Variants in TENM4 observed in about 807,000 individuals in gnomAD.
TENM4 encodes the protein teneurin-4.
TENM4 carries 82 observed loss-of-function variants against 243.3 expected under a neutral mutation model. The ratio of observed to expected loss-of-function variants is 0.34; its 90% CI spans 0.28 to 0.40. The LOEUF (loss-of-function observed/expected upper bound fraction) is 0.40. Among genes scored for constraint, TENM4 ranks in the 10% least tolerant of loss-of-function variants. The pLI, the probability that TENM4 is intolerant of heterozygous loss-of-function variation, is 1.00. For synonymous variants in TENM4, 1,412 were observed against 1,456.3 expected (o/e 0.97, Z 0.69); for missense variants, 3,138 against 3,673.3 (o/e 0.85, Z 3.77).
chr11:78,684,553 C>T (rs1257155227), intron 29 of TENM4, among the ~76,000 whole-genome samples: 1 of 152,166 alleles, frequency 6.6e-6, no homozygotes, highest in South Asian at 2.1e-4. Flanking sequence ...CAGACACACA[C>T]ACACACATCA....
At chr11:78,755,903 C>G (rs1305903832) in intron 19 of TENM4, among the ~76,000 whole-genome samples, 1 of 152,170 alleles carries the variant, frequency 6.6e-6, no homozygotes, top group East Asian at 1.9e-4. Context: ...ACCACACTGA[C>G]TTTTAGAGAA....
chr11:79,162,870 C>T (rs765215953), intron 3 of TENM4, among the ~76,000 whole-genome samples: 14 of 152,232 alleles, frequency 9.2e-5, no homozygotes, highest in Non-Finnish European at 1.5e-4. Context: ...GCCATGCAGC[C>T]TGGTCAAGTG....
intron 1 of TENM4, among the ~76,000 whole-genome samples, chr11:79,389,904 T>C (rs1473309028): frequency 6.6e-6 from 1 of 152,220 alleles, no homozygotes; most frequent in East Asian, 1.9e-4. Flanking sequence ...TTGTAAAGCC[T>C]AAAATATTTA....
At chr11:79,218,234 A>AC (rs1555029524) in intron 2 of TENM4, among the ~76,000 whole-genome samples, 2,764 of 96,428 alleles carry the variant, frequency 0.029, 124 homozygotes, top group African/African-American at 0.11. Context: ...CCCCCTGCCC[A>AC]CCCACCCCCG....
intron 3 of TENM4, among the ~76,000 whole-genome samples, chr11:79,183,044 C>A (rs1863314053): frequency 6.6e-6 from 1 of 152,138 alleles, no homozygotes; most frequent in Non-Finnish European, 1.5e-5. Context: ...GATCCAGCAG[C>A]TGCACTCCTT....
At chr11:79,207,419 C>T (rs1252671265) in intron 3 of TENM4, among the ~76,000 whole-genome samples, 2 of 152,160 alleles carry the variant, frequency 1.3e-5, no homozygotes, top group Non-Finnish European at 2.9e-5. Context: ...TTTGTTATTA[C>T]TACTATATCA....
intron 18 of TENM4, among the ~76,000 whole-genome samples, chr11:78,758,131 C>T (rs186728563): frequency 4.8e-4 from 73 of 152,278 alleles, no homozygotes; most frequent in Non-Finnish European, 9.4e-4. Context: ...TGTGCTTTGT[C>T]GGCAGACAAC....
Position 79,280,478 on chromosome 11 carries a change from G to A in TENM4, c.-265+17010C>T, listed in dbSNP as rs79961796. Among the ~76,000 whole-genome samples the A allele has an allele frequency of 7.0e-3, 1,067 of 152,332 alleles. 9 individuals carry two copies. The highest frequency in any genetic ancestry group is 0.025 in the African/African-American group (1,024 of 41,570). On this transcript the variant is annotated intron_variant, in intron 2 of 33. Transcript: ENST00000278550. ...CCTTAGCTGGCCCCCTCCCATTTGA[G>A]TGGGAACAGGAGAAGCAGTGGATGC...
chr11:78,842,685 C>T (rs526395), intron 12 of TENM4, among the ~76,000 whole-genome samples: 56,809 of 152,114 alleles, frequency 0.37, 11,266 homozygotes, highest in Middle Eastern at 0.52. Flanking sequence ...ACACAACAAG[C>T]GCATACATGA....
At chr11:79,236,707 T>C (rs1037565967) in intron 2 of TENM4, among the ~76,000 whole-genome samples, 9 of 152,168 alleles carry the variant, frequency 5.9e-5, no homozygotes, top group Admixed American at 3.3e-4. Flanking sequence ...CAGTGTGCTT[T>C]CTTTTCCACG....
At chr11:79,064,216 G>T (rs752988893) in intron 6 of TENM4, among the ~76,000 whole-genome samples, 3 of 152,108 alleles carry the variant, frequency 2.0e-5, no homozygotes, top group Admixed American at 6.5e-5. Flanking sequence ...TAACTGAAAC[G>T]CTGTACCCTT....
chr11:79,100,840 T>C lies in TENM4; in HGVS notation c.-65-30831A>G, dbSNP rs921612572. 5.9e-5 allele frequency among the ~76,000 whole-genome samples: 9 copies of C among 152,302 alleles called. No homozygotes were observed. In the South Asian group the frequency reaches 1.9e-3, roughly 32 times the overall value. ...CAAAAGGTATTTAGCAGGGGTGTTC[T>C]TAACCTTCCACTCCCCTTATCTGGA... On this transcript the variant is annotated intron_variant, in intron 4 of 33. Transcript: ENST00000278550.
chr11:79,231,373 C>A (rs553179177), intron 2 of TENM4, among the ~76,000 whole-genome samples: 1 of 151,368 alleles, frequency 6.6e-6, no homozygotes, highest in East Asian at 2.0e-4. Flanking sequence ...ACCATTACAC[C>A]TAAATTAGTA....
intron 18 of TENM4, among the ~76,000 whole-genome samples, chr11:78,759,757 C>G (rs933206364): frequency 1.3e-5 from 2 of 152,176 alleles, no homozygotes; most frequent in Non-Finnish European, 2.9e-5. Flanking sequence ...ATCATTGAAT[C>G]CTCTATGAAG....
chr11:79,077,435 T>G (rs1860560404), intron 4 of TENM4, among the ~76,000 whole-genome samples: 1 of 152,236 alleles, frequency 6.6e-6, no homozygotes, highest in Non-Finnish European at 1.5e-5. Flanking sequence ...TTTAGATCTG[T>G]GGCTTTCAAA....
At chr11:79,167,869 C>T (rs1056305712) in intron 3 of TENM4, among the ~76,000 whole-genome samples, 3 of 152,188 alleles carry the variant, frequency 2.0e-5, no homozygotes, top group African/African-American at 7.2e-5. Context: ...GGGCACCTAC[C>T]CTGGATGCAT....
intron 1 of TENM4, among the ~76,000 whole-genome samples, chr11:79,365,717 G>C (rs1228538697): frequency 6.6e-6 from 1 of 152,200 alleles, no homozygotes; most frequent in East Asian, 1.9e-4. Flanking sequence ...AACAGGCACA[G>C]AGGGAAGCAG....
intron 6 of TENM4, among the ~76,000 whole-genome samples, chr11:79,012,835 G>A (rs574652560): frequency 1.3e-5 from 2 of 152,244 alleles, no homozygotes; most frequent in South Asian, 4.1e-4. Context: ...CATGGCACCA[G>A]TGCACTCCAT....
intron 3 of TENM4, among the ~76,000 whole-genome samples, chr11:79,152,578 A>G (rs1162012697): frequency 2.6e-5 from 4 of 152,196 alleles, no homozygotes; most frequent in Non-Finnish European, 4.4e-5. Context: ...GGATTACAAC[A>G]ATTTATTTTT....
Sources: gnomAD v4.1 joint callset for allele counts (sites outside exome capture counted in the v4.1 genomes callset) on GRCh38, gnomAD v4.1.1 for gene constraint, MANE v1.5 for transcripts, NCBI Gene and HGNC (gene_info 2026-07-23, HGNC 2026-07-21) for gene names.